C2orf72: variants seen among roughly 807,000 people sequenced by gnomAD.
C2orf72 encodes uncharacterized protein C2orf72.
C2orf72 carries 16 observed loss-of-function variants against 14.4 expected under a neutral mutation model. That is an observed-to-expected ratio of 1.11 (90% confidence interval 0.75 to 1.69). The LOEUF (loss-of-function observed/expected upper bound fraction) is 1.69, where lower values mean the gene tolerates loss of function less well. C2orf72 is among the 40% of genes most tolerant of loss of function. The pLI is 0.00. For synonymous variants in C2orf72, 168 were observed against 176.8 expected, an observed-to-expected ratio of 0.95 and a Z score of 0.40; for missense variants, 371 against 358.3, an observed-to-expected ratio of 1.04 and a Z score of -0.29.
intron 2 of C2orf72, among the ~76,000 whole-genome samples, chr2:231,042,268 C>T (rs920453179): frequency 6.6e-6 from 1 of 152,084 alleles, no homozygotes; most frequent in African/African-American, 2.4e-5. Context: ...CGCACTGATC[C>T]CCCCCTTATC....
Position 231,048,821 on chromosome 2 carries a change from G to C in C2orf72, c.*1800G>C, listed in dbSNP as rs913865612. ...TGAGTTCAATGAATTGTGATTCACT[G>C]ATTTTATTGATTTTGTTTTAAAACA... On this transcript the variant is annotated 3_prime_UTR_variant, in exon 3 of 3. Transcript: ENST00000373640. 6.6e-6 allele frequency: 1 copy of C among 152,168 alleles called. No homozygotes were observed. The highest frequency in any genetic ancestry group is 1.5e-5 in the Non-Finnish European group (1 of 68,036). The allele number at this position is 152,168 out of a possible 1,614,324, so 9.4% of individuals were successfully genotyped here.
intron 1 of C2orf72, among the ~76,000 whole-genome samples, chr2:231,040,000 C>G (rs575212048): frequency 6.6e-6 from 1 of 152,146 alleles, no homozygotes; most frequent in African/African-American, 2.4e-5. Flanking sequence ...ACTTTGGCCT[C>G]CCAAAGTGCT....
intron 2 of C2orf72, among the ~76,000 whole-genome samples, chr2:231,042,381 A>G (rs1368412404): frequency 1.3e-5 from 2 of 152,192 alleles, no homozygotes; most frequent in Non-Finnish European, 2.9e-5. Context: ...ACCTACGATA[A>G]AGCTTAATTT....
intron 2 of C2orf72, 33 bp downstream of exon 2, chr2:231,041,442 G>A (rs1161471033): frequency 2.0e-6 from 3 of 1,473,418 alleles, no homozygotes; most frequent in Admixed American, 2.0e-5. Context: ...CATCCTGAGG[G>A]CCAGGTGCAT....
chr2:231,045,328 C>A (rs1446492018), intron 2 of C2orf72, among the ~76,000 whole-genome samples: 1 of 151,764 alleles, frequency 6.6e-6, no homozygotes, highest in East Asian at 1.9e-4. Flanking sequence ...ATAGTCATTT[C>A]TTATTATTAT....
At chr2:231,038,806 A>G (rs1267200535) in intron 1 of C2orf72, among the ~76,000 whole-genome samples, 4 of 151,964 alleles carry the variant, frequency 2.6e-5, no homozygotes, top group South Asian at 4.2e-4. Context: ...TACATTTTCT[A>G]TTGATTTCTG....
rs557321445 is a variant in C2orf72 at position 231,041,452 on chromosome 2, T to C, written c.748+43T>C. 369 of 1,431,736 alleles carry C rather than the reference T, an allele frequency of 2.6e-4. 4 individuals are homozygous for C. In the South Asian group the frequency reaches 4.4e-3, roughly 17 times the overall value. The allele number at this position is 1,431,736 out of a possible 1,614,324, so 88.7% of individuals were successfully genotyped here. On this transcript the variant is annotated intron_variant, in intron 2 of 2. Transcript: ENST00000373640. Reference sequence around the variant, plus strand: ...TCCTGCATCCTGAGGGCCAGGTGCATGGAATTATGGGAGTGGTCACGTGAA... The same window carrying C: ...TCCTGCATCCTGAGGGCCAGGTGCACGGAATTATGGGAGTGGTCACGTGAA...
At chr2:231,041,209 G>A (rs1474345191) in intron 1 of C2orf72, 87 bp from the exon 2 acceptor site, 2 of 916,586 alleles carry the variant, frequency 2.2e-6, no homozygotes, top group East Asian at 2.9e-5. Flanking sequence ...TTGACCGTTG[G>A]GGCACTTGAT....
intron 2 of C2orf72, among the ~76,000 whole-genome samples, chr2:231,042,320 T>C (rs1693354868): frequency 6.6e-6 from 1 of 152,194 alleles, no homozygotes; most frequent in Non-Finnish European, 1.5e-5. Flanking sequence ...CCTAAAACCA[T>C]GGGTAGCACC....
At chr2:231,039,522 A>T (rs1693312647) in intron 1 of C2orf72, among the ~76,000 whole-genome samples, 1 of 152,018 alleles carries the variant, frequency 6.6e-6, no homozygotes, top group African/African-American at 2.4e-5. Flanking sequence ...GGAGGGTCCC[A>T]GCAAGGAGAC....
Position 231,037,601 on chromosome 2 carries a change from T to C in C2orf72, c.36T>C (p.Leu12=), listed in dbSNP as rs186173488. The C allele has an allele frequency of 0.35, 372,031 of 1,072,570 alleles. 72,987 individuals are homozygous for C. The highest frequency in any genetic ancestry group is 0.8 in the African/African-American group (46,194 of 57,576). 66.4% of individuals were successfully genotyped at this position (1,072,570 alleles called of 1,614,324 possible). Reference sequence around the variant, plus strand: ...AGCTGGAGGCGCTGGCGGCCCGGCTTGCGCGCCCTGCCGAGCCGCCCTTCC... The same window carrying C: ...AGCTGGAGGCGCTGGCGGCCCGGCTCGCGCGCCCTGCCGAGCCGCCCTTCC... ...ERELEALAAR[L]ARPAEPPFQA... The change falls in exon 1 of 3, where the codon CTT becomes CTC. Residue 12 remains leucine (L), a synonymous_variant. Coordinates refer to ENST00000373640, the MANE Select transcript of C2orf72 (RefSeq NM_001144994.2).
chr2:231,038,218 C>T lies in C2orf72; in HGVS notation c.634+19C>T, dbSNP rs922741919. 6 of 1,183,850 alleles carry T rather than the reference C, an allele frequency of 5.1e-6. No individual in the cohort carries two copies. The African/African-American group carries it at 6.4e-5, about 13-fold the overall frequency. The allele number at this position is 1,183,850 out of a possible 1,614,324, so 73.3% of individuals were successfully genotyped here. ...CAACCAGGTGAGACTGCGCGGGGCC[C>T]GGCTGGGCGCGGGCGGGCGGTGGCT... is the stretch of plus-strand genomic sequence containing the variant. On this transcript the variant is annotated intron_variant, in intron 1 of 2. Coordinates refer to ENST00000373640, the MANE Select transcript of C2orf72 (RefSeq NM_001144994.2).
In C2orf72 at chr2:231,038,180, C is replaced by A. The variant is rs1693286907; in HGVS notation, c.615C>A (p.Ala205=). 8.4e-7 allele frequency: 1 copy of A among 1,193,516 alleles called. No individual in the cohort carries two copies. Among genetic ancestry groups the A allele is most frequent in the Admixed American group, 4.5e-5 (1 of 22,326 alleles). 73.9% of individuals were successfully genotyped at this position (1,193,516 alleles called of 1,614,324 possible). A position where few individuals can be genotyped will look rare whatever the true frequency, so the allele number is the denominator to read the frequency against. ...CGGCCGCCTGCAGGGCCCTGCAAGC[C>A]GCCGGAGCCGGGCAACCAGGTGAGA... is the stretch of plus-strand genomic sequence containing the variant. ...VQAAACRALQ[A]AGAGQPVEGA... Residue 205 remains alanine, a synonymous_variant, in exon 1 of 3, where the codon GCC becomes GCA. Transcript: ENST00000373640.
intron 2 of C2orf72, 96 bp from the exon 3 acceptor site, chr2:231,046,786 G>T: frequency 7.9e-7 from 1 of 1,264,028 alleles, no homozygotes; most frequent in South Asian, 1.6e-5. Context: ...TTTTTAAGTA[G>T]GTATTTGCTG....
At position 231,046,795 on chromosome 2, in the gene C2orf72, T is replaced by C. The variant is rs137924534; in HGVS notation, c.749-87T>C. ...TTTTGTTTTTTAAGTAGGTATTTGC[T>C]GGGGACAACTTTCTCCTTTTCCTTC... On this transcript the variant is annotated intron_variant, in intron 2 of 2. Coordinates refer to ENST00000373640, the MANE Select transcript of C2orf72 (RefSeq NM_001144994.2). 2.2e-6 allele frequency: 3 copies of C among 1,374,764 alleles called. No homozygotes were observed. In the East Asian group the frequency reaches 7.6e-5, roughly 35 times the overall value. 85.2% of individuals were successfully genotyped at this position (1,374,764 alleles called of 1,614,324 possible). A position where few individuals can be genotyped will look rare whatever the true frequency, so the allele number is the denominator to read the frequency against.
At chr2:231,042,185 A>G (rs966377851) in intron 2 of C2orf72, among the ~76,000 whole-genome samples, 1 of 152,132 alleles carries the variant, frequency 6.6e-6, no homozygotes, top group African/African-American at 2.4e-5. Context: ...TCAGGCCACT[A>G]AATGGAAATG....
chr2:231,038,256 C>G, intron 1 of C2orf72, 57 bp downstream of exon 1: 2 of 1,148,816 alleles, frequency 1.7e-6, no homozygotes, highest in Non-Finnish European at 2.1e-6. Context: ...GGCACGTCCC[C>G]CAAGTTGGAC....
rs769092608 is a variant in C2orf72 at position 231,047,718 on chromosome 2, C to CA, written c.*698dup. ...GGCTGAGCCAATGCCTTCTCCCTGT[C>CA]AGAGTCCCCCAGAGCAGAGAGGGTC... On this transcript the variant is annotated 3_prime_UTR_variant, in exon 3 of 3. Transcript: ENST00000373640. 1.9e-4 allele frequency: 30 copies of CA among 159,872 alleles called. No individual in the cohort carries two copies. Among genetic ancestry groups the CA allele is most frequent in the Admixed American group, 4.7e-4 (8 of 16,940 alleles). The allele number at this position is 159,872 out of a possible 1,614,324, so 9.9% of individuals were successfully genotyped here.
chr2:231,039,405 C>T (rs1693310577), intron 1 of C2orf72, among the ~76,000 whole-genome samples: 1 of 151,708 alleles, frequency 6.6e-6, no homozygotes, highest in South Asian at 2.1e-4. Context: ...TCTCTCCCTG[C>T]CCAGCTGGGC....
Sources: allele counts gnomAD v4.1 joint callset (sites outside exome capture counted in the v4.1 genomes callset), GRCh38; gene constraint gnomAD v4.1.1; transcripts MANE v1.5; gene names NCBI Gene and HGNC (gene_info 2026-07-23, HGNC 2026-07-21).